HFM1: variants seen among roughly 807,000 people sequenced by gnomAD.
HFM1 encodes the protein helicase for meiosis 1, also known as probable ATP-dependent DNA helicase HFM1.
HFM1 carries 169 observed loss-of-function variants against 192.1 expected under a neutral mutation model. The observed-to-expected ratio is 0.88, with a 90% CI of 0.78 to 1.00. The LOEUF (loss-of-function observed/expected upper bound fraction) is 1.00, where lower values mean the gene tolerates loss of function less well. Ranked by LOEUF, HFM1 falls within the 50% of genes least tolerant of loss-of-function variation. HFM1 has a pLI of 0.00. For missense variants in HFM1, 1,661 were observed against 1,668.0 expected, an observed-to-expected ratio of 1.00 and a Z score of 0.07; for synonymous variants, 525 against 537.8, an observed-to-expected ratio of 0.98 and a Z score of 0.33.
chr1:91,385,125 A>T, intron 6 of HFM1, 62 bp downstream of exon 6: 1 of 961,910 alleles, frequency 1.0e-6, no homozygotes, highest in East Asian at 2.5e-5. Flanking sequence ...CAATTAAACA[A>T]ATGTTTTAAA....
chr1:91,267,086 A>C (rs1376391153), intron 35 of HFM1, among the ~76,000 whole-genome samples: 1 of 152,074 alleles, frequency 6.6e-6, no homozygotes, highest in African/African-American at 2.4e-5. Flanking sequence ...CCCTAATGGG[A>C]GACAGTATCT....
chr1:91,308,552 G>A (rs1649983037), intron 30 of HFM1, among the ~76,000 whole-genome samples: 1 of 151,872 alleles, frequency 6.6e-6, no homozygotes, highest in Non-Finnish European at 1.5e-5. Context: ...AAGAGATGTG[G>A]TCTTGCTATG....
chr1:91,282,084 A>AT (rs2100830208), intron 30 of HFM1, among the ~76,000 whole-genome samples: 1 of 152,320 alleles, frequency 6.6e-6, no homozygotes, highest in South Asian at 2.1e-4. Context: ...AGACTTTTTA[A>AT]TGTGAAGATT....
intron 13 of HFM1, among the ~76,000 whole-genome samples, chr1:91,368,513 G>A (rs1312860187): frequency 2.6e-5 from 4 of 152,072 alleles, no homozygotes; most frequent in Non-Finnish European, 5.9e-5. Flanking sequence ...CATAAGTGAA[G>A]GAGAAATAAA....
At chr1:91,378,364 C>A in intron 10 of HFM1, 39 bp downstream of exon 10, 1 of 1,453,314 alleles carries the variant, frequency 6.9e-7, no homozygotes, top group African/African-American at 1.4e-5. Context: ...TTCTAATTAT[C>A]CTTTTATGTT....
Position 91,353,149 on chromosome 1 carries a change from A to G in HFM1, c.1733T>C (p.Ile578Thr), listed in dbSNP as rs1324538140. The change falls in exon 15 of 39, where the codon ATC becomes ACC. Residue 578 changes from isoleucine (I) to threonine (T), a missense_variant. Coordinates refer to ENST00000370425, the MANE Select transcript of HFM1 (RefSeq NM_001017975.6). ...YSVRDSKLRD[I>T]LKDGAAYHHA... ...ATGATAAGCAGCACCATCTTTTAAG[A>G]TATCTGTAATAGAAATATATCAGCT... 8 of 1,602,250 alleles carry G rather than the reference A, an allele frequency of 5.0e-6. No homozygotes were observed. Among genetic ancestry groups the G allele is most frequent in the African/African-American group, 1.3e-5 (1 of 74,592 alleles).
chr1:91,320,411 T>C (rs1009854792), intron 23 of HFM1, among the ~76,000 whole-genome samples: 16 of 152,130 alleles, frequency 1.1e-4, no homozygotes, highest in African/African-American at 3.6e-4. Flanking sequence ...GTTACAAAGA[T>C]ACACAGTATA....
chr1:91,307,874 A>C (rs1649874741), intron 30 of HFM1, among the ~76,000 whole-genome samples: 1 of 150,748 alleles, frequency 6.6e-6, no homozygotes, highest in Admixed American at 6.6e-5. Context: ...TTTCACTTTC[A>C]TCATGAAGGA....
At chr1:91,393,188 A>G (rs1663224260) in intron 4 of HFM1, among the ~76,000 whole-genome samples, 2 of 152,204 alleles carry the variant, frequency 1.3e-5, no homozygotes, top group South Asian at 2.1e-4. Flanking sequence ...TACAGTGTCC[A>G]TCAGTCCTAC....
chr1:91,368,665 C>A (rs1337465961), intron 13 of HFM1, among the ~76,000 whole-genome samples: 5 of 152,156 alleles, frequency 3.3e-5, no homozygotes, highest in Non-Finnish European at 7.3e-5. Flanking sequence ...TAAAGACCAT[C>A]AAGGCTAGGA....
rs376533937 is a variant in HFM1 at position 91,396,366 on chromosome 1, A to C, written c.111T>G (p.Pro37=). The change falls in exon 3 of 39, where the codon CCT becomes CCG. Residue 37 remains proline (P), a synonymous_variant. Coordinates refer to ENST00000370425, the MANE Select transcript of HFM1 (RefSeq NM_001017975.6). The part of the protein sequence containing the change: ...DNEKSLDWFL[P]PAPLISEIPD... ...GAATTTCTGAAATCAATGGAGCAGG[A>C]GGGAGAAACCAATCCAATGACTTTT... The C allele has an allele frequency of 2.2e-4, 350 of 1,603,738 alleles. 1 individual carries two copies. Among genetic ancestry groups the C allele is most frequent in the East Asian group, 3.8e-4 (17 of 44,812 alleles).
At chr1:91,348,655 C>T (rs1379685907) in intron 18 of HFM1, among the ~76,000 whole-genome samples, 3 of 152,116 alleles carry the variant, frequency 2.0e-5, no homozygotes, top group Non-Finnish European at 4.4e-5. Context: ...CATGGTGGCT[C>T]ACAGCTATAA....
chr1:91,389,162 AG>A (rs1299589466), intron 4 of HFM1, among the ~76,000 whole-genome samples: 1 of 91,014 alleles, frequency 1.1e-5, no homozygotes, highest in African/African-American at 4.2e-5. Context: ...TTTGAGATTG[AG>A]TCTGGCTCTG....
intron 19 of HFM1, among the ~76,000 whole-genome samples, chr1:91,346,408 C>G (rs1256248806): frequency 6.6e-6 from 1 of 152,138 alleles, no homozygotes; most frequent in Non-Finnish European, 1.5e-5. Flanking sequence ...AACTTATAAT[C>G]TGTATTTCAA....
chr1:91,322,997 T>C lies in HFM1; in HGVS notation c.2535A>G (p.Arg845=). ...TTTTAATTCTTCCTTCCATTGGAAA[T>C]CTGTAAATAAAACCACATGGCAAAA... is the stretch of plus-strand genomic sequence containing the variant. The part of the protein sequence containing the change: ...LNKDPNRITI[R]FPMEGRIKTR... The change falls in exon 23 of 39, where the codon AGA becomes AGG. Residue 845 remains arginine, a splice_region_variant and synonymous_variant. Transcript: ENST00000370425. 7.3e-7 allele frequency: 1 copy of C among 1,376,984 alleles called. No homozygotes were observed. Among genetic ancestry groups the C allele is most frequent in the Non-Finnish European group, 9.8e-7 (1 of 1,024,156 alleles). The allele number at this position is 1,376,984 out of a possible 1,614,324, so 85.3% of individuals were successfully genotyped here.
chr1:91,292,307 T>C (rs1241445042), intron 30 of HFM1, among the ~76,000 whole-genome samples: 3 of 43,754 alleles, frequency 6.9e-5, no homozygotes, highest in Non-Finnish European at 1.3e-4. Flanking sequence ...AAAACCCCAT[T>C]GTCTCAGCCC....
intron 13 of HFM1, among the ~76,000 whole-genome samples, chr1:91,365,975 A>G (rs899101546): frequency 9.2e-5 from 14 of 151,924 alleles, no homozygotes; most frequent in African/African-American, 2.6e-4. Context: ...CCTGAAAAAA[A>G]AAAAAAAACA....
At chr1:91,381,076 A>C (rs1661503117) in intron 6 of HFM1, 94 bp from the exon 7 acceptor site, 1 of 651,196 alleles carries the variant, frequency 1.5e-6, no homozygotes, top group Non-Finnish European at 2.7e-6. Context: ...GATTCTGACA[A>C]TATTTAATGA....
intron 25 of HFM1, among the ~76,000 whole-genome samples, chr1:91,318,226 C>T (rs1415912416): frequency 6.6e-6 from 1 of 152,156 alleles, no homozygotes; most frequent in Non-Finnish European, 1.5e-5. Flanking sequence ...CCCCACTTCA[C>T]CCCAGCTCCC....
Sources: allele counts gnomAD v4.1 joint callset (sites outside exome capture counted in the v4.1 genomes callset), GRCh38; gene constraint gnomAD v4.1.1; transcripts MANE v1.5; gene names NCBI Gene and HGNC (gene_info 2026-07-23, HGNC 2026-07-21).